The following TBCCD1 variants were observed in gnomAD, a reference collection of about 807,000 sequenced individuals.
TBCCD1 encodes the protein TBCC domain-containing protein 1.
A neutral mutation model predicts 53.4 loss-of-function variants in TBCCD1; 26 were observed. That is an observed-to-expected ratio of 0.49 (90% CI 0.36 to 0.68). The LOEUF (loss-of-function observed/expected upper bound fraction) is 0.68. Ranked by LOEUF, TBCCD1 falls within the 30% of genes least tolerant of loss-of-function variation. The pLI is 0.00. For synonymous variants in TBCCD1, 245 were observed against 241.7 expected, an observed-to-expected ratio of 1.01 and a Z score of -0.13; for missense variants, 558 against 669.5, an observed-to-expected ratio of 0.83 and a Z score of 1.84.
Position 186,564,227 on chromosome 3 carries a change from T to C in TBCCD1, c.103A>G (p.Lys35Glu), listed in dbSNP as rs1399129067. The C allele has an allele frequency of 6.2e-7, 1 of 1,614,174 alleles. No individual in the cohort carries two copies. Among genetic ancestry groups the C allele is most frequent in the East Asian group, 2.2e-5 (1 of 44,880 alleles). Residue 35 changes from lysine to glutamate, a missense_variant, in exon 2 of 8, where the codon AAG (lysine) becomes GAG (glutamate). Physicochemically the swap from Lys to Glu is moderately conservative, Grantham distance 56. Transcript: ENST00000338733. ...CGGATTTGCACATAGGTGGATATCT[T>C]CCTGAGATAGTGAAGACTAAACTTG... ...PSKFSLHYLR[K>E]ISTYVQIRAT...
At chr3:186,555,292 T>C (rs895059391) in intron 4 of TBCCD1, among the ~76,000 whole-genome samples, 1 of 152,106 alleles carries the variant, frequency 6.6e-6, no homozygotes, top group Non-Finnish European at 1.5e-5. Flanking sequence ...ATTTTTGTTA[T>C]AAAAAAAATT....
At chr3:186,550,607 A>G (rs1355681860) in intron 7 of TBCCD1, among the ~76,000 whole-genome samples, 1 of 151,986 alleles carries the variant, frequency 6.6e-6, no homozygotes, top group African/African-American at 2.4e-5. Context: ...AAAGAATACC[A>G]TATGTCTGGA....
chr3:186,559,338 G>T (rs888841222), intron 2 of TBCCD1, among the ~76,000 whole-genome samples: 5 of 152,202 alleles, frequency 3.3e-5, no homozygotes, highest in African/African-American at 1.2e-4. Flanking sequence ...GAAATTGTAT[G>T]TAATTTTTTG....
rs1714193602 is a variant in TBCCD1, at chr3:186,546,129, C to T, written c.*848G>A. The T allele has an allele frequency of 6.6e-6, 1 of 152,052 alleles. No individual in the cohort carries two copies. Among genetic ancestry groups the T allele is most frequent in the Non-Finnish European group, 1.5e-5 (1 of 67,976 alleles). 9.4% of individuals were successfully genotyped at this position (152,052 alleles called of 1,614,324 possible). A position where few individuals can be genotyped will look rare whatever the true frequency, so the allele number is the denominator to read the frequency against. ...AGTGAAAAATAAAGATTTTTTTAAA[C>T]AATTTCATTAAGTTCCATACTTTAA... On this transcript the variant is annotated 3_prime_UTR_variant, in exon 8 of 8. Transcript: ENST00000338733.
At chr3:186,553,593 G>C (rs774763217) in intron 6 of TBCCD1, 3 of 152,114 alleles carry the variant, frequency 2.0e-5, no homozygotes, top group African/African-American at 7.2e-5. Flanking sequence ...TCAGTTCTTC[G>C]GTTTCCTCAC....
chr3:186,558,332 A>T, intron 3 of TBCCD1, 85 bp downstream of exon 3: 1 of 1,475,968 alleles, frequency 6.8e-7, no homozygotes, highest in Non-Finnish European at 9.2e-7. Flanking sequence ...TATGTAAGAA[A>T]TCTCATCATA....
chr3:186,552,949 G>C (rs1337915542), intron 6 of TBCCD1, among the ~76,000 whole-genome samples: 1 of 152,202 alleles, frequency 6.6e-6, no homozygotes, highest in Non-Finnish European at 1.5e-5. Context: ...GAGGAAGAGA[G>C]AGCCTGGTAA....
intron 3 of TBCCD1, among the ~76,000 whole-genome samples, chr3:186,558,196 A>C (rs1714594540): frequency 6.6e-6 from 1 of 152,236 alleles, no homozygotes; most frequent in African/African-American, 2.4e-5. Flanking sequence ...CAAATCAGCA[A>C]GTGGTTTTCC....
chr3:186,563,981 T>C lies in TBCCD1; in HGVS notation c.336+13A>G, dbSNP rs955748998. The C allele has an allele frequency of 3.9e-5, 62 of 1,590,024 alleles. No individual in the cohort carries two copies. Among genetic ancestry groups the C allele is most frequent in the African/African-American group, 9.4e-5 (7 of 74,108 alleles). On this transcript the variant is annotated intron_variant, in intron 2 of 7. Coordinates refer to ENST00000338733, the MANE Select transcript of TBCCD1 (RefSeq NM_018138.5). ...CCAAAAGTAATTAAGTATACACACATATCAATCCGTACCTGATTTCTCTGC... is the reference window on the plus strand; with the variant it reads ...CCAAAAGTAATTAAGTATACACACACATCAATCCGTACCTGATTTCTCTGC...
chr3:186,554,127 C>A (rs576001701), intron 6 of TBCCD1, 127 bp downstream of exon 6: 1 of 1,337,162 alleles, frequency 7.5e-7, no homozygotes, highest in Non-Finnish European at 1.0e-6. Context: ...GGATTATAGG[C>A]GTGAGCCACC....
chr3:186,565,635 G>A (rs548389366), intron 1 of TBCCD1, among the ~76,000 whole-genome samples: 2 of 152,184 alleles, frequency 1.3e-5, no homozygotes, highest in Admixed American at 1.3e-4. Flanking sequence ...TGGGGTAATG[G>A]GTACGTGGGG....
At chr3:186,557,096 C>T (rs1158113281) in intron 3 of TBCCD1, among the ~76,000 whole-genome samples, 3 of 152,148 alleles carry the variant, frequency 2.0e-5, no homozygotes, top group Admixed American at 6.5e-5. Context: ...TGGCCAATTT[C>T]AAATGTATAG....
intron 7 of TBCCD1, among the ~76,000 whole-genome samples, chr3:186,549,310 T>A (rs138435202): frequency 0.016 from 2,388 of 151,898 alleles, 28 homozygotes; most frequent in Middle Eastern, 0.038. Flanking sequence ...ATAAATTAAT[T>A]AATTAATTAA....
At chr3:186,563,830 G>A (rs939465265) in intron 2 of TBCCD1, among the ~76,000 whole-genome samples, 164 bp downstream of exon 2, 5 of 152,288 alleles carry the variant, frequency 3.3e-5, no homozygotes, top group Admixed American at 6.5e-5. Flanking sequence ...TTGGGAGGCC[G>A]AGGCAGGAAG....
rs1714193399 is a variant in TBCCD1, at chr3:186,546,122, T to C, written c.*855A>G. On this transcript the variant is annotated 3_prime_UTR_variant, in exon 8 of 8. Coordinates refer to ENST00000338733, the MANE Select transcript of TBCCD1 (RefSeq NM_018138.5). ...AGCAGGAAGTGAAAAATAAAGATTTTTTTAAACAATTTCATTAAGTTCCAT... is the reference window on the plus strand; with the variant it reads ...AGCAGGAAGTGAAAAATAAAGATTTCTTTAAACAATTTCATTAAGTTCCAT... 6.6e-6 allele frequency: 1 copy of C among 152,208 alleles called. No homozygotes were observed. Among genetic ancestry groups the C allele is most frequent in the Non-Finnish European group, 1.5e-5 (1 of 68,016 alleles). The allele number at this position is 152,208 out of a possible 1,614,324, so 9.4% of individuals were successfully genotyped here.
At chr3:186,550,403 T>G (rs1443059950) in intron 7 of TBCCD1, among the ~76,000 whole-genome samples, 2 of 152,050 alleles carry the variant, frequency 1.3e-5, no homozygotes, top group Non-Finnish European at 2.9e-5. Context: ...CTGGCCAACA[T>G]GGTGAAACCC....
At chr3:186,561,564 C>T (rs931470069) in intron 2 of TBCCD1, among the ~76,000 whole-genome samples, 75 of 152,072 alleles carry the variant, frequency 4.9e-4, no homozygotes, top group Middle Eastern at 3.4e-3. Flanking sequence ...CCGAGGCAGG[C>T]GGATCATGAG....
At chr3:186,547,606 C>CTTTT (rs574168560) in intron 7 of TBCCD1, among the ~76,000 whole-genome samples, 1 of 127,134 alleles carries the variant, frequency 7.9e-6, no homozygotes, top group Non-Finnish European at 1.7e-5. Context: ...TTGCTAAATT[C>CTTTT]TTTTTTTTTT....
At chr3:186,558,065 G>A (rs1478844172) in intron 3 of TBCCD1, among the ~76,000 whole-genome samples, 1 of 152,076 alleles carries the variant, frequency 6.6e-6, no homozygotes, top group Non-Finnish European at 1.5e-5. Context: ...TTTTTCAGTA[G>A]ATTTCAAAAG....
Sources: allele counts gnomAD v4.1 joint callset (sites outside exome capture counted in the v4.1 genomes callset), GRCh38; gene constraint gnomAD v4.1.1; transcripts MANE v1.5; gene names NCBI Gene and HGNC (gene_info 2026-07-23, HGNC 2026-07-21).